Variants in USHBP1 observed in about 807,000 individuals in gnomAD.
USHBP1 encodes harmonin-binding protein USHBP1.
In USHBP1, 67 loss-of-function variants were observed where a neutral mutation model predicts 76.2. The ratio of observed to expected loss-of-function variants is 0.88; its 90% CI spans 0.72 to 1.08. The LOEUF is 1.08. Ranked by LOEUF, USHBP1 falls within the 50% of genes least tolerant of loss-of-function variation. The probability of loss-of-function intolerance (pLI) is 0.00; values close to 1 mark genes in which losing one functional copy is unlikely to be tolerated. For synonymous variants in USHBP1, 322 were observed against 362.2 expected, an observed-to-expected ratio of 0.89 and a Z score of 1.26; for missense variants, 931 against 915.0, an observed-to-expected ratio of 1.02 and a Z score of -0.23.
In USHBP1 at chr19:17,264,095, C is replaced by T; in HGVS notation, c.110G>A (p.Ser37Asn). The T allele has an allele frequency of 6.2e-7, 1 of 1,614,068 alleles. No homozygotes were observed. The highest frequency in any genetic ancestry group is 8.5e-7 in the Non-Finnish European group (1 of 1,179,970). The stretch of plus-strand genomic sequence containing the variant: ...AGGTGGGGCAAAGCTGGGCTTGGAG[C>T]TCCCACTGGCTGCCTCGACCTCCTC... Reference protein sequence around the residue: ...SSEEVEAASGSSKPSFAPPPV... With the variant: ...SSEEVEAASGNSKPSFAPPPV... Residue 37 changes from serine to asparagine, a missense_variant, in exon 3 of 13, where the codon AGC becomes AAC. Transcript: ENST00000252597.
chr19:17,264,164 C>G lies in USHBP1; in HGVS notation c.55-14G>C. The G allele has an allele frequency of 6.2e-7, 1 of 1,612,506 alleles. No homozygotes were observed. The highest frequency in any genetic ancestry group is 2.2e-5 in the East Asian group (1 of 44,864). On this transcript the variant is annotated splice_polypyrimidine_tract_variant and intron_variant, in intron 2 of 12. Transcript: ENST00000252597. Reference sequence around the variant, plus strand: ...ATCCAGTTCACCCTGCAAATGACCCCCGGGGCCCTGCTCTGAGCCAGGCAG... The same window carrying G: ...ATCCAGTTCACCCTGCAAATGACCCGCGGGGCCCTGCTCTGAGCCAGGCAG...
intron 10 of USHBP1, among the ~76,000 whole-genome samples, chr19:17,253,281 A>T (rs1483287235): frequency 7.5e-6 from 1 of 132,612 alleles, no homozygotes; most frequent in East Asian, 2.1e-4. Flanking sequence ...GTGCCCGGAC[A>T]GTAATAATTT....
rs144687443 is a variant in USHBP1 at position 17,262,822 on chromosome 19, G to A, written c.372C>T (p.His124=). 149 of 1,614,206 alleles carry A rather than the reference G, an allele frequency of 9.2e-5. 1 individual carries two copies. Among genetic ancestry groups the A allele is most frequent in the East Asian group, 4.2e-4 (19 of 44,884 alleles). The change falls in exon 4 of 13, where the codon CAC becomes CAT. Residue 124 remains histidine, a synonymous_variant. Transcript: ENST00000252597. ...GAPDVFQTLQ[H]TLSSLEAAAA... is the part of the protein sequence containing the mutation. Reference sequence around the variant, plus strand: ...CCGCTGCCTCCAGGGAGCTCAGAGTGTGCTGGAGGGTCTGAAACACATCGG... The same window carrying A: ...CCGCTGCCTCCAGGGAGCTCAGAGTATGCTGGAGGGTCTGAAACACATCGG...
intron 11 of USHBP1, 31 bp downstream of exon 11, chr19:17,251,880 C>A (rs201811579): frequency 1.3e-6 from 2 of 1,523,010 alleles, no homozygotes; most frequent in East Asian, 4.9e-5. Context: ...GCCTGCCCAC[C>A]CCCCGCACAG....
chr19:17,256,051 T>C (rs1331245639), intron 9 of USHBP1, among the ~76,000 whole-genome samples: 1 of 152,080 alleles, frequency 6.6e-6, no homozygotes, highest in Non-Finnish European at 1.5e-5. Context: ...CCATTCACCA[T>C]GTTCTTGTGA....
At chr19:17,263,070 C>A in intron 3 of USHBP1, 80 bp from the exon 4 acceptor site, 1 of 1,418,298 alleles carries the variant, frequency 7.1e-7, no homozygotes, top group Non-Finnish European at 9.4e-7. Flanking sequence ...CGGAGTCTCA[C>A]TCTGTTGCCC....
chr19:17,259,183 C>T (rs1421457490), intron 7 of USHBP1, 106 bp downstream of exon 7: 1 of 1,448,906 alleles, frequency 6.9e-7, no homozygotes, highest in Non-Finnish European at 9.1e-7. Context: ...AAATTAATTT[C>T]TGAAGTGGGG....
intron 3 of USHBP1, 127 bp downstream of exon 3, chr19:17,263,874 AG>A (rs2073720412): frequency 1.5e-6 from 2 of 1,301,302 alleles, no homozygotes; most frequent in Non-Finnish European, 1.0e-6. Flanking sequence ...CAAAAAAAAA[AG>A]AAAGTCAGGC....
chr19:17,255,360 A>C (rs1599468619), intron 10 of USHBP1, 25 bp downstream of exon 10: 1 of 1,600,534 alleles, frequency 6.2e-7, no homozygotes, highest in South Asian at 1.1e-5. Context: ...CTACTCCCCT[A>C]CCAGGTTCAG....
In USHBP1 at chr19:17,255,516, C is replaced by G. The variant is rs1185645809; in HGVS notation, c.1561G>C (p.Gly521Arg). 1.2e-6 allele frequency: 2 copies of G among 1,613,886 alleles called. No homozygotes were observed. Among genetic ancestry groups the G allele is most frequent in the Non-Finnish European group, 1.7e-6 (2 of 1,179,888 alleles). ...TCCAGCAGGAGCACGTGAGCTGGAC[C>G]CAGGGCTCGGAGGGCAGCCTCCCGC... ...ELREAALRALGPAHVLLLEQL... is the reference protein window; with the variant it reads ...ELREAALRALRPAHVLLLEQL... Residue 521 changes from glycine to arginine, a missense_variant, in exon 10 of 13, where the codon GGT becomes CGT. Gly to Arg is a moderately radical substitution (Grantham distance 125). Transcript: ENST00000252597.
intron 1 of USHBP1, 133 bp from the exon 2 acceptor site, chr19:17,264,480 G>A: frequency 1.5e-6 from 1 of 689,134 alleles, no homozygotes; most frequent in South Asian, 2.0e-5. Flanking sequence ...TGATTGGGCA[G>A]ATTTGAATGC....
chr19:17,256,776 G>A, intron 8 of USHBP1, 56 bp from the exon 9 acceptor site: 1 of 1,608,878 alleles, frequency 6.2e-7, no homozygotes. Context: ...GGTGGGTTAA[G>A]TTCATGCCAA....
At chr19:17,253,013 G>A (rs903021625) in intron 10 of USHBP1, among the ~76,000 whole-genome samples, 5 of 151,916 alleles carry the variant, frequency 3.3e-5, no homozygotes, top group Admixed American at 3.3e-4. Flanking sequence ...CTGTCGCCCA[G>A]GCTAGAGTGC....
intron 8 of USHBP1, among the ~76,000 whole-genome samples, chr19:17,257,293 A>C (rs2073631976): frequency 1.4e-5 from 2 of 146,498 alleles, no homozygotes; most frequent in Middle Eastern, 3.5e-3. Context: ...GGCCTCCCAA[A>C]GTGCTGGGAT....
rs2073603054 is a variant in USHBP1, at chr19:17,255,235, T to A, written c.1692+150A>T. ...TGAACCTGGGAGGCGGAGGTTGTGG[T>A]GAGCCGAGATTGCAACATTGCATTC... On this transcript the variant is annotated intron_variant, in intron 10 of 12. Coordinates refer to ENST00000252597, the MANE Select transcript of USHBP1 (RefSeq NM_031941.4). 1.2e-5 allele frequency: 10 copies of A among 849,240 alleles called. 1 individual carries two copies. In the South Asian group the frequency reaches 1.9e-4, roughly 16 times the overall value. 52.6% of individuals were successfully genotyped at this position (849,240 alleles called of 1,614,324 possible). A position where few individuals can be genotyped will look rare whatever the true frequency, so the allele number is the denominator to read the frequency against.
chr19:17,259,537 T>G, intron 6 of USHBP1, 59 bp downstream of exon 6: 1 of 1,603,146 alleles, frequency 6.2e-7, no homozygotes, highest in East Asian at 2.2e-5. Flanking sequence ...CTCCTGGCTT[T>G]ATAACTCAGT....
At chr19:17,254,513 G>A (rs544892983) in intron 10 of USHBP1, among the ~76,000 whole-genome samples, 3 of 151,756 alleles carry the variant, frequency 2.0e-5, no homozygotes, top group East Asian at 2.0e-4. Flanking sequence ...AAAATTAGCC[G>A]GGCGTGGTGG....
chr19:17,251,495 C>A, intron 12 of USHBP1, 87 bp downstream of exon 12: 1 of 1,568,520 alleles, frequency 6.4e-7, no homozygotes. Context: ...GTGGGGAATG[C>A]TAAGGCCCAG....
intron 4 of USHBP1, among the ~76,000 whole-genome samples, chr19:17,261,546 G>A (rs1428191631): frequency 6.6e-6 from 1 of 151,634 alleles, no homozygotes; most frequent in Non-Finnish European, 1.5e-5. Flanking sequence ...GTGTTAGCCA[G>A]GATGGTCTCG....
Sources: gnomAD v4.1 joint callset for allele counts (sites outside exome capture counted in the v4.1 genomes callset) on GRCh38, gnomAD v4.1.1 for gene constraint, MANE v1.5 for transcripts, NCBI Gene and HGNC (gene_info 2026-07-23, HGNC 2026-07-21) for gene names.